The following KLF13 variants were observed in gnomAD, a reference collection of about 807,000 sequenced individuals.
KLF13 encodes the protein Krueppel-like factor 13.
Under a neutral mutation model 16.7 loss-of-function variants are expected in KLF13, and 8 were observed. The ratio of observed to expected loss-of-function variants is 0.48; its 90% CI spans 0.28 to 0.87. KLF13 has a LOEUF of 0.87. Ranked by LOEUF, KLF13 falls within the 40% of genes least tolerant of loss-of-function variation. KLF13 has a pLI of 0.10. For missense variants in KLF13, 447 were observed against 452.2 expected, an observed-to-expected ratio of 0.99 and a Z score of 0.10; for synonymous variants, 245 against 208.4, an observed-to-expected ratio of 1.18 and a Z score of -1.51.
At chr15:31,339,917 C>T (rs994049980) in intron 1 of KLF13, 10 of 702,070 alleles carry the variant, frequency 1.4e-5, no homozygotes, top group Admixed American at 2.0e-5. Flanking sequence ...CCTTGGATTT[C>T]ACTGGGCTTC....
intron 2 of KLF13, among the ~76,000 whole-genome samples, chr15:31,394,418 C>T (rs549523323): frequency 2.0e-5 from 3 of 151,132 alleles, no homozygotes; most frequent in Admixed American, 2.0e-4. Context: ...ACCCGGGAGG[C>T]GGAGCTTGCA....
intron 1 of KLF13, among the ~76,000 whole-genome samples, chr15:31,423,154 CGTATATATA>C (rs2040360482): frequency 1.1e-5 from 1 of 92,602 alleles, no homozygotes; most frequent in East Asian, 2.9e-4. Context: ...CGTATATATA[CGTATATATA>C]TGTATATATA....
chr15:31,338,919 A>G (rs2038977683), intron 1 of KLF13, among the ~76,000 whole-genome samples: 1 of 151,772 alleles, frequency 6.6e-6, no homozygotes, highest in African/African-American at 2.4e-5. Context: ...AGGTGGGTAT[A>G]CAGGGGAGCA....
chr15:31,395,551 T>C (rs184112968), intron 2 of KLF13, among the ~76,000 whole-genome samples: 154 of 152,306 alleles, frequency 1.0e-3, no homozygotes, highest in African/African-American at 3.6e-3. Context: ...ACATTATGTT[T>C]AGTTTTGAGG....
chr15:31,329,401 A>G (rs1418693521), intron 1 of KLF13, among the ~76,000 whole-genome samples: 1 of 151,480 alleles, frequency 6.6e-6, no homozygotes, highest in Non-Finnish European at 1.5e-5. Flanking sequence ...TGGGCAGGAT[A>G]CTTAATGTTT....
At chr15:31,398,779 C>A (rs975393805) in intron 2 of KLF13, among the ~76,000 whole-genome samples, 1 of 152,118 alleles carries the variant, frequency 6.6e-6, no homozygotes, top group African/African-American at 2.4e-5. Context: ...GCACGGTGCC[C>A]TCCTCCCTCT....
At chr15:31,424,905 A>ACACAC (rs1555383520) in intron 1 of KLF13, among the ~76,000 whole-genome samples, 1 of 151,442 alleles carries the variant, frequency 6.6e-6, no homozygotes, top group Non-Finnish European at 1.5e-5. Flanking sequence ...ACACACACAC[A>ACACAC]AAGCTCTTAG....
At chr15:31,398,120 G>A (rs904122982) in intron 2 of KLF13, among the ~76,000 whole-genome samples, 1 of 152,162 alleles carries the variant, frequency 6.6e-6, no homozygotes, top group Non-Finnish European at 1.5e-5. Flanking sequence ...CTGATCTCTC[G>A]GATAAGGCCT....
chr15:31,415,015 G>A (rs1471709804), intron 1 of KLF13, among the ~76,000 whole-genome samples: 1 of 152,142 alleles, frequency 6.6e-6, no homozygotes, highest in Non-Finnish European at 1.5e-5. Context: ...TAATGACTGA[G>A]TTCTTATTCT....
chr15:31,367,058 A>G (rs1289294534), intron 1 of KLF13, among the ~76,000 whole-genome samples: 1 of 152,232 alleles, frequency 6.6e-6, no homozygotes, highest in Non-Finnish European at 1.5e-5. Context: ...GCCCACATAC[A>G]GGAAAGCTCC....
chr15:31,347,836 T>G (rs969159475), intron 1 of KLF13, among the ~76,000 whole-genome samples: 1 of 152,218 alleles, frequency 6.6e-6, no homozygotes, highest in African/African-American at 2.4e-5. Flanking sequence ...GGGGGCTGCC[T>G]CTGTTGTAGT....
In KLF13 at chr15:31,372,266, C is replaced by A; in HGVS notation, c.834C>A (p.Ser278Arg). 1 of 1,522,206 alleles carries A rather than the reference C, an allele frequency of 6.6e-7. No homozygotes were observed. The highest frequency in any genetic ancestry group is 1.2e-5 in the South Asian group (1 of 80,648). The allele number at this position is 1,522,206 out of a possible 1,614,324, so 94.3% of individuals were successfully genotyped here. A position where few individuals can be genotyped will look rare whatever the true frequency, so the allele number is the denominator to read the frequency against. Residue 278 changes from serine (S) to arginine (R), a missense_variant, in exon 2 of 2, where the codon AGC (serine) becomes AGA (arginine). Ser to Arg is a moderately radical substitution (Grantham distance 110). This residue lies in a region of KLF13 where 88 missense variants were observed against 169.5 expected (regional missense o/e 0.52). Coordinates refer to ENST00000307145, the MANE Select transcript of KLF13 (RefSeq NM_015995.4). ...GCGACTACAGCCGCTCCGACGCCAG[C>A]AGCCCCACCATCAGCCCGGCCAGCT... Reference protein sequence around the residue: ...SLSDYSRSDASSPTISPASSP With the variant: ...SLSDYSRSDARSPTISPASSP
chr15:31,421,283 G>C (rs1234059470), intron 1 of KLF13, among the ~76,000 whole-genome samples: 2 of 152,034 alleles, frequency 1.3e-5, no homozygotes, highest in Non-Finnish European at 2.9e-5. Context: ...TCTTCAAGTT[G>C]AAACAAAAGG....
At chr15:31,435,194 G>C (rs1337096013) in intron 1 of KLF13, among the ~76,000 whole-genome samples, 1 of 152,160 alleles carries the variant, frequency 6.6e-6, no homozygotes, top group African/African-American at 2.4e-5. Context: ...GCTGTTCCGA[G>C]GGGCCTTTGT....
intron 1 of KLF13, among the ~76,000 whole-genome samples, chr15:31,335,422 TG>T (rs1342680674): frequency 1.6e-4 from 10 of 64,094 alleles, no homozygotes; most frequent in Non-Finnish European, 2.6e-4. Context: ...TGTTGGGCAT[TG>T]TGTGTGTGTG....
chr15:31,423,142 T>TGTATACGTATATAC (rs2040358198), intron 1 of KLF13, among the ~76,000 whole-genome samples: 1 of 101,854 alleles, frequency 9.8e-6, no homozygotes, highest in African/African-American at 7.6e-5. Context: ...CGTATACGTA[T>TGTATACGTATATAC]ACGTATATAT....
intron 1 of KLF13, among the ~76,000 whole-genome samples, chr15:31,343,153 G>A (rs960483955): frequency 6.6e-6 from 1 of 152,238 alleles, no homozygotes; most frequent in Non-Finnish European, 1.5e-5. Flanking sequence ...TCTCTCTTCT[G>A]CTTTGAGTGA....
At chr15:31,366,117 C>T (rs1359212555) in intron 1 of KLF13, 1 of 148,142 alleles carries the variant, frequency 6.8e-6, no homozygotes, top group African/African-American at 2.5e-5. Flanking sequence ...ACCCCACTCT[C>T]CCCGCAACTG....
chr15:31,410,619 A>ACC (rs1566842496), intron 1 of KLF13, among the ~76,000 whole-genome samples: 1 of 114,382 alleles, frequency 8.7e-6, no homozygotes, highest in African/African-American at 2.9e-5. Context: ...ACACACACAC[A>ACC]CACACACCCC....
Sources: allele counts gnomAD v4.1 joint callset (sites outside exome capture counted in the v4.1 genomes callset), GRCh38; gene constraint gnomAD v4.1.1; regional missense constraint gnomAD v4.1.1; transcripts MANE v1.5; gene names NCBI Gene and HGNC (gene_info 2026-07-23, HGNC 2026-07-21).